Variants in KIRREL1 observed in about 807,000 individuals in gnomAD.
KIRREL1 encodes the protein kin of IRRE-like protein 1.
A neutral mutation model predicts 83.3 loss-of-function variants in KIRREL1; 25 were observed. The observed-to-expected ratio is 0.30, with a 90% CI of 0.22 to 0.42. The LOEUF (loss-of-function observed/expected upper bound fraction) is 0.42. Ranked by LOEUF, KIRREL1 falls within the 10% of genes least tolerant of loss-of-function variation. The pLI is 1.00. For synonymous variants in KIRREL1, 388 were observed against 410.4 expected (o/e 0.95, Z 0.66); for missense variants, 812 against 1,032.3 (o/e 0.79, Z 2.92).
chr1:158,039,059 G>A (rs59530587), intron 1 of KIRREL1, among the ~76,000 whole-genome samples: 5,690 of 152,240 alleles, frequency 0.037, 314 homozygotes, highest in African/African-American at 0.12. Flanking sequence ...TGCTGGGCAC[G>A]CTGGACCGGA....
chr1:158,046,542 G>A (rs1660782077), intron 1 of KIRREL1, among the ~76,000 whole-genome samples: 2 of 152,116 alleles, frequency 1.3e-5, no homozygotes, highest in African/African-American at 4.8e-5. Context: ...GCAACTGGTT[G>A]AATTTAACAA....
intron 1 of KIRREL1, among the ~76,000 whole-genome samples, chr1:158,001,535 G>C (rs954965379): frequency 6.6e-6 from 1 of 152,198 alleles, no homozygotes; most frequent in Non-Finnish European, 1.5e-5. Context: ...CATTGGTGCC[G>C]TGATAGCAGT....
Position 158,096,369 on chromosome 1 carries a change from C to CT in KIRREL1, c.*1261dup, listed in dbSNP as rs946234511. 0.049 allele frequency: 13,697 copies of CT among 282,098 alleles called. 7 individuals carry two copies. Among genetic ancestry groups the CT allele is most frequent in the South Asian group, 0.082 (2,665 of 32,682 alleles). The allele number at this position is 282,098 out of a possible 1,614,324, so 17.5% of individuals were successfully genotyped here. ...GAGACAGGTTTTGGTTTTTAAGTGT[C>CT]TTTTTTTTTTTTCTTGGACCAATCA... is the stretch of plus-strand genomic sequence containing the variant. On this transcript the variant is annotated 3_prime_UTR_variant, in exon 15 of 15. Coordinates refer to ENST00000359209, the MANE Select transcript of KIRREL1 (RefSeq NM_018240.7).
At chr1:158,026,960 T>G (rs1660190193) in intron 1 of KIRREL1, among the ~76,000 whole-genome samples, 1 of 152,184 alleles carries the variant, frequency 6.6e-6, no homozygotes, top group Non-Finnish European at 1.5e-5. Context: ...AGTCTTCCAG[T>G]AAGCAAGCAA....
In KIRREL1 at chr1:158,086,423, AAC is replaced by A. The variant is rs61585802; in HGVS notation, c.511-147_511-146del. On this transcript the variant is annotated intron_variant, in intron 4 of 14. Transcript: ENST00000359209. ...AAGATAATTAGTAGTCTATTGATTAAACACACACACACACACACACACACACA... is the reference window on the plus strand; with the variant it reads ...AAGATAATTAGTAGTCTATTGATTAAACACACACACACACACACACACACA... 4.1e-3 allele frequency among the ~76,000 whole-genome samples: 604 copies of A among 148,224 alleles called. 3 individuals carry two copies. Among genetic ancestry groups the A allele is most frequent in the African/African-American group, 0.013 (534 of 40,508 alleles).
Position 158,071,891 on chromosome 1 carries a change from C to T in KIRREL1, c.53-4222C>T, listed in dbSNP as rs568825807. The stretch of plus-strand genomic sequence containing the variant: ...TCCTGGGTTTTTAGTGGCTTCTTGA[C>T]ACTCAAGGGCAAACCAACACCTCAT... On this transcript the variant is annotated intron_variant, in intron 1 of 14. Transcript: ENST00000359209. Among the ~76,000 whole-genome samples the T allele has an allele frequency of 7.2e-5, 11 of 152,220 alleles. No homozygotes were observed. The East Asian group carries it at 2.1e-3, about 29-fold the overall frequency.
chr1:158,055,837 C>G (rs997986158), intron 1 of KIRREL1, among the ~76,000 whole-genome samples: 36 of 152,212 alleles, frequency 2.4e-4, no homozygotes, highest in African/African-American at 8.4e-4. Context: ...GGTGCCTGCA[C>G]TGCCAATGGA....
At chr1:158,041,066 T>G (rs995243650) in intron 1 of KIRREL1, among the ~76,000 whole-genome samples, 1 of 152,172 alleles carries the variant, frequency 6.6e-6, no homozygotes, top group Non-Finnish European at 1.5e-5. Flanking sequence ...AAATGTTTAT[T>G]GAGCAGCTAT....
At chr1:158,020,517 G>A (rs921106292) in intron 1 of KIRREL1, among the ~76,000 whole-genome samples, 1 of 140,642 alleles carries the variant, frequency 7.1e-6, no homozygotes, top group African/African-American at 2.6e-5. Context: ...TGTGGATAGG[G>A]ACTATGATTT....
At chr1:158,018,413 G>A (rs1464506640) in intron 1 of KIRREL1, among the ~76,000 whole-genome samples, 1 of 152,146 alleles carries the variant, frequency 6.6e-6, no homozygotes, top group African/African-American at 2.4e-5. Context: ...GAAGCCCCGG[G>A]AGAGACCTGT....
chr1:158,070,153 A>G (rs142134975), intron 1 of KIRREL1, among the ~76,000 whole-genome samples: 38 of 152,336 alleles, frequency 2.5e-4, no homozygotes, highest in Non-Finnish European at 4.7e-4. Flanking sequence ...AACAGGGTTA[A>G]GATGGGAGTG....
chr1:158,076,004 C>A, intron 1 of KIRREL1, 109 bp from the exon 2 acceptor site: 1 of 1,039,552 alleles, frequency 9.6e-7, no homozygotes, highest in Non-Finnish European at 1.4e-6. Flanking sequence ...CGGAGAGTCC[C>A]CATCCCCAAC....
intron 1 of KIRREL1, among the ~76,000 whole-genome samples, chr1:157,994,494 G>A (rs183921070): frequency 1.7e-3 from 264 of 152,158 alleles, no homozygotes; most frequent in African/African-American, 5.9e-3. Flanking sequence ...GACACTGGCA[G>A]GGGAGAGGCT....
intron 1 of KIRREL1, among the ~76,000 whole-genome samples, chr1:158,036,046 A>G (rs1167715464): frequency 6.6e-6 from 1 of 152,168 alleles, no homozygotes; most frequent in Admixed American, 6.5e-5. Flanking sequence ...GTGGACAGAT[A>G]CTTTTCCTAA....
intron 1 of KIRREL1, among the ~76,000 whole-genome samples, chr1:157,995,247 A>T (rs1659162793): frequency 6.6e-6 from 1 of 152,002 alleles, no homozygotes; most frequent in Non-Finnish European, 1.5e-5. Context: ...GCACGTCTTG[A>T]TTCATTTCTC....
At chr1:158,018,201 C>A (rs556345186) in intron 1 of KIRREL1, among the ~76,000 whole-genome samples, 5 of 152,268 alleles carry the variant, frequency 3.3e-5, no homozygotes, top group African/African-American at 9.6e-5. Flanking sequence ...TTTAATTTCA[C>A]CCTGGGTCAG....
At chr1:158,029,934 A>G (rs1256465891) in intron 1 of KIRREL1, among the ~76,000 whole-genome samples, 1 of 152,222 alleles carries the variant, frequency 6.6e-6, no homozygotes, top group Admixed American at 6.5e-5. Context: ...CGTAGTACAA[A>G]ATATAAAAAC....
intron 1 of KIRREL1, among the ~76,000 whole-genome samples, chr1:158,064,335 A>C (rs1286503237): frequency 6.6e-6 from 1 of 152,188 alleles, no homozygotes; most frequent in African/African-American, 2.4e-5. Context: ...CTTCCATCCT[A>C]GACTGTTTTT....
In KIRREL1 at chr1:158,095,095, A is replaced by G. The variant is rs1447809095; in HGVS notation, c.2249A>G (p.Gln750Arg). Residue 750 changes from glutamine (Q) to arginine (R), a missense_variant, in exon 15 of 15, where the codon CAG becomes CGG. This residue lies in a region of KIRREL1 where 334 missense variants were observed against 383.7 expected (regional missense o/e 0.87). Coordinates refer to ENST00000359209, the MANE Select transcript of KIRREL1 (RefSeq NM_018240.7). ...SQHSDYGQRFQQRMQTHV is the reference protein window; with the variant it reads ...SQHSDYGQRFRQRMQTHV Reference sequence around the variant, plus strand: ...CACTCGGACTACGGCCAGCGATTCCAGCAGCGCATGCAGACTCACGTGTAG... The same window carrying G: ...CACTCGGACTACGGCCAGCGATTCCGGCAGCGCATGCAGACTCACGTGTAG... 6.2e-7 allele frequency: 1 copy of G among 1,605,830 alleles called. No individual in the cohort carries two copies. The highest frequency in any genetic ancestry group is 8.5e-7 in the Non-Finnish European group (1 of 1,174,382).
Sources: gnomAD v4.1 joint callset for allele counts (sites outside exome capture counted in the v4.1 genomes callset) on GRCh38, gnomAD v4.1.1 for gene constraint, gnomAD v4.1.1 regional missense constraint, MANE v1.5 for transcripts, NCBI Gene and HGNC (gene_info 2026-07-23, HGNC 2026-07-21) for gene names.